Variants in XIRP2 observed in about 807,000 individuals in gnomAD.
XIRP2 encodes xin actin-binding repeat-containing protein 2.
In XIRP2, 236 loss-of-function variants were observed where a neutral mutation model predicts 277.0. The ratio of observed to expected loss-of-function variants is 0.85; its 90% CI spans 0.77 to 0.95. The LOEUF (loss-of-function observed/expected upper bound fraction) is 0.95. XIRP2 is among the 40% of genes least tolerant of loss of function. The pLI is 0.00. For synonymous variants in XIRP2, 1,490 were observed against 1,416.5 expected (o/e 1.05, Z -1.17); for missense variants, 4,640 against 4,157.5 (o/e 1.12, Z -3.19).
At chr2:166,910,134 G>A (rs543182708) in intron 2 of XIRP2, among the ~76,000 whole-genome samples, 1 of 152,208 alleles carries the variant, frequency 6.6e-6, no homozygotes, top group Non-Finnish European at 1.5e-5. Flanking sequence ...CATGAAATGA[G>A]TTAGGGAGGA....
intron 4 of XIRP2, among the ~76,000 whole-genome samples, chr2:167,215,722 G>C (rs1694227116): frequency 1.3e-5 from 2 of 152,082 alleles, no homozygotes; most frequent in African/African-American, 4.8e-5. Flanking sequence ...GTTGCAAGCA[G>C]ACCTAGAATC....
chr2:166,903,327 G>T lies in XIRP2; in HGVS notation c.-18-138G>T, dbSNP rs1396244156. 5.3e-6 allele frequency: 4 copies of T among 760,004 alleles called. No individual in the cohort carries two copies. The Admixed American group carries it at 1.2e-4, about 22-fold the overall frequency. The allele number at this position is 760,004 out of a possible 1,614,324, so 47.1% of individuals were successfully genotyped here. Reference sequence around the variant, plus strand: ...GGGGTGAAGTGAAGAGCCAGAAATTGTGTGGAATTGTATAGGAAAGCTGGA... The same window carrying T: ...GGGGTGAAGTGAAGAGCCAGAAATTTTGTGGAATTGTATAGGAAAGCTGGA... On this transcript the variant is annotated intron_variant, in intron 1 of 10. Coordinates refer to ENST00000409195, the MANE Select transcript of XIRP2 (RefSeq NM_152381.6).
chr2:167,145,003 T>C (rs761214973), intron 3 of XIRP2, among the ~76,000 whole-genome samples: 11 of 152,192 alleles, frequency 7.2e-5, no homozygotes, highest in Non-Finnish European at 1.6e-4. Flanking sequence ...GCTGTGGATA[T>C]TTGAATCGCT....
At chr2:167,077,488 A>C (rs1444999265) in intron 2 of XIRP2, among the ~76,000 whole-genome samples, 1 of 152,098 alleles carries the variant, frequency 6.6e-6, no homozygotes, top group Non-Finnish European at 1.5e-5. Flanking sequence ...CAAGTGGGAG[A>C]ATGAATGAAT....
At chr2:167,157,138 A>G (rs1416460941) in intron 3 of XIRP2, among the ~76,000 whole-genome samples, 1 of 151,002 alleles carries the variant, frequency 6.6e-6, no homozygotes, top group African/African-American at 2.4e-5. Flanking sequence ...GGGAACAGGC[A>G]TTGTCAATAG....
intron 2 of XIRP2, among the ~76,000 whole-genome samples, chr2:166,927,743 A>T (rs557612560): frequency 4.3e-4 from 66 of 152,212 alleles, no homozygotes; most frequent in Non-Finnish European, 8.5e-4. Flanking sequence ...GTGTGGCCAC[A>T]TATTCATAAG....
Position 167,258,994 on chromosome 2 carries a change from T to C in XIRP2, c.*1177T>C. ...AGGGGGGAAGTTCAATCATCTCTCC[T>C]GATACAAATCTCTTAAACATTAAAG... On this transcript the variant is annotated 3_prime_UTR_variant, in exon 11 of 11. Coordinates refer to ENST00000409195, the MANE Select transcript of XIRP2 (RefSeq NM_152381.6). 2 of 1,611,346 alleles carry C rather than the reference T, an allele frequency of 1.2e-6. No individual in the cohort carries two copies.
intron 2 of XIRP2, among the ~76,000 whole-genome samples, chr2:167,009,041 C>A (rs1008463469): frequency 6.0e-5 from 9 of 150,852 alleles, no homozygotes; most frequent in African/African-American, 2.2e-4. Flanking sequence ...TTCCTATTGG[C>A]AATATTTATT....
rs1695323757 is a variant in XIRP2 at position 167,247,725 on chromosome 2, T to C, written c.6333T>C (p.Phe2111=). ...GAGAGCTGAAGAAGGATGATGTCTT[T>C]AATTCCATCCAATCTGCTGGTAAAA... is the stretch of plus-strand genomic sequence containing the variant. ...AVRELKKDDV[F]NSIQSAGKTV... is the part of the protein sequence containing the mutation. Residue 2111 remains phenylalanine (F), a synonymous_variant, in exon 9 of 11, where the codon TTT becomes TTC. Transcript: ENST00000409195. The C allele has an allele frequency of 1.2e-6, 2 of 1,613,524 alleles. No individual in the cohort carries two copies.
chr2:167,248,959 T>G lies in XIRP2; in HGVS notation c.7567T>G (p.Ser2523Ala). The G allele has an allele frequency of 1.9e-6, 3 of 1,613,722 alleles. No homozygotes were observed. The highest frequency in any genetic ancestry group is 2.5e-6 in the Non-Finnish European group (3 of 1,179,786). ...GATTGCGCCTCTTATAAAATCTCAT[T>G]CATTTCCAGAGAGTTCAGGACAACA... ...KQIAPLIKSH[S>A]FPESSGQQNP... is the part of the protein sequence containing the mutation. Residue 2523 changes from serine (S) to alanine (A), a missense_variant, in exon 9 of 11, where the codon TCA (serine) becomes GCA (alanine). Coordinates refer to ENST00000409195, the MANE Select transcript of XIRP2 (RefSeq NM_152381.6).
At chr2:166,966,825 C>A (rs1686445406) in intron 2 of XIRP2, among the ~76,000 whole-genome samples, 1 of 151,980 alleles carries the variant, frequency 6.6e-6, no homozygotes, top group Non-Finnish European at 1.5e-5. Flanking sequence ...CAAACTACAG[C>A]TTGCATAGAG....
intron 2 of XIRP2, among the ~76,000 whole-genome samples, chr2:167,088,564 G>A (rs539024090): frequency 3.7e-4 from 57 of 152,080 alleles, no homozygotes; most frequent in Non-Finnish European, 4.1e-4. Context: ...CAGTACACTT[G>A]CATATCTTCT....
In XIRP2 at chr2:167,245,614, C is replaced by T; in HGVS notation, c.4222C>T (p.Pro1408Ser). 7 of 1,613,552 alleles carry T rather than the reference C, an allele frequency of 4.3e-6. No homozygotes were observed. Among genetic ancestry groups the T allele is most frequent in the Non-Finnish European group, 5.9e-6 (7 of 1,179,700 alleles). ...TTCTGAAGAATCACATAATATTATG[C>T]CCAGTATTGACCATATACAAGGTGG... ...QISEESHNIM[P>S]SIDHIQGGNV... Residue 1408 changes from proline (P) to serine (S), a missense_variant, in exon 9 of 11, where the codon CCC becomes TCC. Physicochemically the swap from Pro to Ser is moderately conservative, Grantham distance 74. Coordinates refer to ENST00000409195, the MANE Select transcript of XIRP2 (RefSeq NM_152381.6).
intron 1 of XIRP2, among the ~76,000 whole-genome samples, chr2:166,890,110 C>G (rs1200649779): frequency 6.6e-6 from 1 of 151,790 alleles, no homozygotes; most frequent in Non-Finnish European, 1.5e-5. Flanking sequence ...ATTCTCCTGC[C>G]TCAGCCTCCT....
intron 2 of XIRP2, among the ~76,000 whole-genome samples, chr2:167,128,378 A>C (rs910126232): frequency 2.0e-5 from 3 of 152,144 alleles, no homozygotes; most frequent in Non-Finnish European, 4.4e-5. Context: ...GGATTTTTTC[A>C]GTAAGTAGTC....
At chr2:167,140,752 TAAAG>T (rs1158144333) in intron 3 of XIRP2, 3 of 152,208 alleles carry the variant, frequency 2.0e-5, no homozygotes, top group Non-Finnish European at 2.9e-5. Context: ...CTTTGTAAAA[TAAAG>T]AATCCATTTT....
chr2:167,079,357 T>C (rs1379752920), intron 2 of XIRP2, among the ~76,000 whole-genome samples: 1 of 152,184 alleles, frequency 6.6e-6, no homozygotes, highest in African/African-American at 2.4e-5. Context: ...AAAAATGAGT[T>C]AGGGAGGAAT....
intron 2 of XIRP2, among the ~76,000 whole-genome samples, chr2:166,996,806 T>C (rs931138154): frequency 6.6e-6 from 1 of 151,950 alleles, no homozygotes; most frequent in African/African-American, 2.4e-5. Flanking sequence ...CACACACACA[T>C]AAACTCACCT....
chr2:167,033,705 C>T (rs1195407877), intron 2 of XIRP2, among the ~76,000 whole-genome samples: 1 of 151,958 alleles, frequency 6.6e-6, no homozygotes, highest in Non-Finnish European at 1.5e-5. Flanking sequence ...GGAAACCTTA[C>T]AGGCCAAGAG....
Sources: allele counts gnomAD v4.1 joint callset (sites outside exome capture counted in the v4.1 genomes callset), GRCh38; gene constraint gnomAD v4.1.1; transcripts MANE v1.5; gene names NCBI Gene and HGNC (gene_info 2026-07-23, HGNC 2026-07-21).